Variants in CTNNA3 observed in about 807,000 individuals in gnomAD.
CTNNA3 encodes catenin alpha-3.
In CTNNA3, 76 loss-of-function variants were observed where a neutral mutation model predicts 95.7. That is an observed-to-expected ratio of 0.79 (90% CI 0.66 to 0.96). The LOEUF (loss-of-function observed/expected upper bound fraction) is 0.96, where lower values mean the gene tolerates loss of function less well. Among genes scored for constraint, CTNNA3 ranks in the 40% least tolerant of loss-of-function variants. The probability of loss-of-function intolerance (pLI) is 0.00; values close to 1 mark genes in which losing one functional copy is unlikely to be tolerated. For synonymous variants in CTNNA3, 431 were observed against 374.4 expected, an observed-to-expected ratio of 1.15 and a Z score of -1.74; for missense variants, 1,191 against 1,089.8, an observed-to-expected ratio of 1.09 and a Z score of -1.31.
chr10:67,198,361 A>C (rs866074210), intron 6 of CTNNA3, among the ~76,000 whole-genome samples: 3 of 152,124 alleles, frequency 2.0e-5, no homozygotes, highest in Non-Finnish European at 4.4e-5. Flanking sequence ...CGAAGGTCTT[A>C]CTTTATCAGG....
intron 16 of CTNNA3, among the ~76,000 whole-genome samples, chr10:65,975,029 T>C (rs916694980): frequency 2.0e-5 from 3 of 152,154 alleles, no homozygotes; most frequent in Admixed American, 6.6e-5. Context: ...TGGAGTGTTT[T>C]TGGAAAATTT....
intron 5 of CTNNA3, among the ~76,000 whole-genome samples, chr10:67,333,673 T>C (rs925134077): frequency 7.2e-5 from 11 of 152,286 alleles, no homozygotes; most frequent in East Asian, 5.8e-4. Context: ...ACTGAGTACA[T>C]GATGGAGTAA....
chr10:66,276,739 A>C (rs1038180690), intron 13 of CTNNA3, among the ~76,000 whole-genome samples: 3 of 152,092 alleles, frequency 2.0e-5, no homozygotes, highest in Non-Finnish European at 4.4e-5. Flanking sequence ...ATATGCAAAA[A>C]TATTAATTAG....
chr10:67,546,240 T>TCCTG (rs1022248513), intron 3 of CTNNA3, among the ~76,000 whole-genome samples: 1 of 152,098 alleles, frequency 6.6e-6, no homozygotes, highest in Non-Finnish European at 1.5e-5. Context: ...CAAGCAATCC[T>TCCTG]CCTGCCTCAG....
intron 5 of CTNNA3, among the ~76,000 whole-genome samples, chr10:67,397,762 T>C (rs1413100886): frequency 6.6e-6 from 1 of 152,188 alleles, no homozygotes; most frequent in Non-Finnish European, 1.5e-5. Context: ...CCCTGCTGTA[T>C]GCAGACTTGG....
At chr10:66,526,632 A>T (rs186296790) in intron 10 of CTNNA3, among the ~76,000 whole-genome samples, 145 of 152,144 alleles carry the variant, frequency 9.5e-4, no homozygotes, top group Middle Eastern at 3.4e-3. Context: ...TTTTCTTTTA[A>T]TCCCAACCAT....
intron 7 of CTNNA3, among the ~76,000 whole-genome samples, chr10:66,979,971 T>C (rs754488656): frequency 1.3e-5 from 2 of 152,238 alleles, no homozygotes; most frequent in Non-Finnish European, 2.9e-5. Context: ...CCATCAAGTT[T>C]TTATTCTTTT....
chr10:67,741,979 C>T (rs910347836), intron 1 of CTNNA3, among the ~76,000 whole-genome samples: 2 of 151,110 alleles, frequency 1.3e-5, no homozygotes, highest in African/African-American at 4.9e-5. Flanking sequence ...TGGGTGCACC[C>T]AATACAGGAG....
intron 5 of CTNNA3, among the ~76,000 whole-genome samples, chr10:67,427,965 C>T (rs1454994137): frequency 1.3e-5 from 2 of 152,018 alleles, no homozygotes; most frequent in Non-Finnish European, 2.9e-5. Flanking sequence ...CTTTCATCTC[C>T]CTGCTTCTAG....
Position 66,799,782 on chromosome 10 carries a change from A to G in CTNNA3, c.1048-24258T>C, listed in dbSNP as rs554813370. Among the ~76,000 whole-genome samples, 3 of 151,610 alleles carry G rather than the reference A, an allele frequency of 2.0e-5. No individual in the cohort carries two copies. In the South Asian group the frequency reaches 6.2e-4, roughly 31 times the overall value. The stretch of plus-strand genomic sequence containing the variant: ...AAAATCTCAGTGAGCCCCAACTAGG[A>G]TAAATTCAAAGGAAACAGAACTAAG... On this transcript the variant is annotated intron_variant, in intron 7 of 17. Transcript: ENST00000433211.
chr10:66,545,299 CT>C (rs1842003117), intron 10 of CTNNA3, among the ~76,000 whole-genome samples: 1 of 151,820 alleles, frequency 6.6e-6, no homozygotes, highest in Non-Finnish European at 1.5e-5. Context: ...AATTTTATTT[CT>C]TTCTGAAATT....
chr10:67,660,601 C>A (rs1840150711), intron 1 of CTNNA3, among the ~76,000 whole-genome samples: 1 of 152,048 alleles, frequency 6.6e-6, no homozygotes, highest in South Asian at 2.1e-4. Flanking sequence ...TAAACTTAAC[C>A]ATGTAAAAAG....
intron 13 of CTNNA3, among the ~76,000 whole-genome samples, chr10:66,276,382 A>G (rs1209215457): frequency 1.3e-5 from 2 of 152,114 alleles, no homozygotes; most frequent in Non-Finnish European, 2.9e-5. Flanking sequence ...ACTGCGGGCC[A>G]CTTATACTAC....
intron 7 of CTNNA3, among the ~76,000 whole-genome samples, chr10:66,803,865 T>G (rs569910905): frequency 6.6e-6 from 1 of 152,056 alleles, no homozygotes; most frequent in Non-Finnish European, 1.5e-5. Context: ...AAAATAGGCA[T>G]GAATAATGAT....
At chr10:67,401,504 G>A (rs778703556) in intron 5 of CTNNA3, among the ~76,000 whole-genome samples, 26 of 152,126 alleles carry the variant, frequency 1.7e-4, no homozygotes, top group Non-Finnish European at 2.6e-4. Flanking sequence ...TGCTAAGGCT[G>A]ATTTCCAAAC....
At chr10:67,366,486 C>T (rs1025847826) in intron 5 of CTNNA3, among the ~76,000 whole-genome samples, 5 of 151,984 alleles carry the variant, frequency 3.3e-5, no homozygotes, top group Admixed American at 2.6e-4. Context: ...ACTAAAAATA[C>T]AAAAATCAGC....
chr10:66,397,510 TATTC>T (rs1248617131), intron 11 of CTNNA3, among the ~76,000 whole-genome samples: 1 of 151,888 alleles, frequency 6.6e-6, no homozygotes, highest in African/African-American at 2.4e-5. Flanking sequence ...TCACATGGTA[TATTC>T]ATTCATTCAA....
rs537351437 is a variant in CTNNA3, at chr10:67,651,129, TA to T, written c.-5-3612del. The stretch of plus-strand genomic sequence containing the variant: ...ATTCCCTAATATCAAATATTTAATT[TA>T]AAAAAAAAAAGATTAACTTTTGTAA... On this transcript the variant is annotated intron_variant, in intron 1 of 17. Coordinates refer to ENST00000433211, the MANE Select transcript of CTNNA3 (RefSeq NM_013266.4). Among the ~76,000 whole-genome samples the T allele has an allele frequency of 1.9e-3, 284 of 146,276 alleles. 1 individual carries two copies. The highest frequency in any genetic ancestry group is 9.5e-3 in the South Asian group (44 of 4,624).
At chr10:67,587,130 T>C (rs1842651898) in intron 3 of CTNNA3, among the ~76,000 whole-genome samples, 1 of 151,378 alleles carries the variant, frequency 6.6e-6, no homozygotes, top group South Asian at 2.1e-4. Context: ...GCTCAAGTGA[T>C]CCTCCCACCT....
Sources: allele counts gnomAD v4.1 joint callset (sites outside exome capture counted in the v4.1 genomes callset), GRCh38; gene constraint gnomAD v4.1.1; transcripts MANE v1.5; gene names NCBI Gene and HGNC (gene_info 2026-07-23, HGNC 2026-07-21).